KCNG4: variants seen among roughly 807,000 people sequenced by gnomAD.
The protein encoded by KCNG4 is potassium voltage-gated channel modifier subfamily G member 4.
In KCNG4, 30 loss-of-function variants were observed where a neutral mutation model predicts 28.2. The observed-to-expected ratio is 1.06, with a 90% confidence interval of 0.80 to 1.44. The LOEUF (loss-of-function observed/expected upper bound fraction) is 1.44. KCNG4 is among the 40% of genes most tolerant of loss of function. The probability of loss-of-function intolerance (pLI) is 0.00; values close to 1 mark genes in which losing one functional copy is unlikely to be tolerated. For synonymous variants in KCNG4, 375 were observed against 315.5 expected, an observed-to-expected ratio of 1.19 and a Z score of -2.00; for missense variants, 879 against 712.3, an observed-to-expected ratio of 1.23 and a Z score of -2.66.
At chr16:84,236,680 C>A (rs1202105793) in intron 2 of KCNG4, 50 bp downstream of exon 2, 1 of 1,549,530 alleles carries the variant, frequency 6.5e-7, no homozygotes, top group Non-Finnish European at 8.7e-7. Flanking sequence ...GACATCTCCG[C>A]CCAGGCACCC....
chr16:84,227,501 C>G (rs184452136), intron 2 of KCNG4, among the ~76,000 whole-genome samples: 1 of 152,176 alleles, frequency 6.6e-6, no homozygotes, highest in Non-Finnish European at 1.5e-5. Context: ...CACTTGAACT[C>G]AGGAGGTGGA....
intron 2 of KCNG4, among the ~76,000 whole-genome samples, chr16:84,224,732 T>A (rs1219797558): frequency 6.6e-6 from 1 of 152,196 alleles, no homozygotes; most frequent in Non-Finnish European, 1.5e-5. Flanking sequence ...GAGGCAGCAC[T>A]GCCAAGGGGT....
chr16:84,222,184 T>G lies in KCNG4; in HGVS notation c.*33A>C. 7 of 1,604,778 alleles carry G rather than the reference T, an allele frequency of 4.4e-6. No homozygotes were observed. Among genetic ancestry groups the G allele is most frequent in the South Asian group, 1.1e-5 (1 of 90,000 alleles). On this transcript the variant is annotated 3_prime_UTR_variant, in exon 3 of 3. Transcript: ENST00000308251. The stretch of plus-strand genomic sequence containing the variant: ...GTGTGTTTCAGGCAGGGTGATGGGT[T>G]GAGGTTACCATGTAGTCATGGGGGG...
Position 84,222,977 on chromosome 16 carries a change from G to C in KCNG4, c.800C>G (p.Thr267Ser). ...RKCYYIFIVE[T>S]ICVAWFSLEF... ...CAGGGAGAACCAGGCCACGCAGATG[G>C]TCTCCACGATGAAAATATAGTAGCA... Residue 267 changes from threonine (T) to serine (S), a missense_variant, in exon 3 of 3, where the codon ACC becomes AGC. By Grantham distance (58) the Thr-to-Ser change is moderately conservative. Transcript: ENST00000308251. The C allele has an allele frequency of 6.5e-7, 1 of 1,549,646 alleles. No individual in the cohort carries two copies. Among genetic ancestry groups the C allele is most frequent in the Non-Finnish European group, 8.7e-7 (1 of 1,147,560 alleles).
chr16:84,230,988 A>G (rs1334761652), intron 2 of KCNG4, among the ~76,000 whole-genome samples: 1 of 152,120 alleles, frequency 6.6e-6, no homozygotes, highest in African/African-American at 2.4e-5. Context: ...CTGGAAGGGG[A>G]TGGAGAGGAC....
At chr16:84,225,693 A>G (rs56085182) in intron 2 of KCNG4, among the ~76,000 whole-genome samples, 31,844 of 152,274 alleles carry the variant, frequency 0.21, 3,468 homozygotes, top group Non-Finnish European at 0.23. Context: ...TGAGAGGCCG[A>G]GAAGGCGCTG....
Position 84,219,801 on chromosome 16 carries a change from G to A in KCNG4, c.*2416C>T, listed in dbSNP as rs905368829. ...TGCCTGTAATTCCAGCACTTTGGGA[G>A]GCCGAGGCAGGCGGATCACCTGACA... is the stretch of plus-strand genomic sequence containing the variant. On this transcript the variant is annotated 3_prime_UTR_variant, in exon 3 of 3. Coordinates refer to ENST00000308251, the MANE Select transcript of KCNG4 (RefSeq NM_172347.3). 1 of 151,750 alleles carries A rather than the reference G, an allele frequency of 6.6e-6. No homozygotes were observed. Among genetic ancestry groups the A allele is most frequent in the African/African-American group, 2.4e-5 (1 of 41,270 alleles). The allele number at this position is 151,750 out of a possible 1,614,324, so 9.4% of individuals were successfully genotyped here.
intron 2 of KCNG4, among the ~76,000 whole-genome samples, chr16:84,229,927 C>T (rs1904786902): frequency 6.6e-6 from 1 of 152,192 alleles, no homozygotes; most frequent in Admixed American, 6.5e-5. Flanking sequence ...CTCCAGAGAG[C>T]AGGCCAGTTT....
rs145239539 is a variant in KCNG4 at position 84,230,877 on chromosome 16, C to T, written c.756+5853G>A. ...GAAGGCCGGCAGGGCTGGTCCTGCG[C>T]GTGGCGAGTTCGCCTGCTTCTCCCA... On this transcript the variant is annotated intron_variant, in intron 2 of 2. Transcript: ENST00000308251. 8.4e-3 allele frequency among the ~76,000 whole-genome samples: 1,284 copies of T among 152,334 alleles called. 24 individuals carry two copies. The highest frequency in any genetic ancestry group is 0.029 in the African/African-American group (1,210 of 41,574).
intron 1 of KCNG4, among the ~76,000 whole-genome samples, chr16:84,238,840 C>G (rs1052519983): frequency 6.6e-5 from 10 of 152,034 alleles, no homozygotes; most frequent in Non-Finnish European, 1.2e-4. Flanking sequence ...TGCACTCCAG[C>G]CTGGACAACA....
chr16:84,230,540 C>A lies in KCNG4; in HGVS notation c.756+6190G>T, dbSNP rs146530063. ...TGAGCCAAGATCGCACCACTGCACTCCAGCCTGGGTGACAGAGCAAGACTC... is the reference window on the plus strand; with the variant it reads ...TGAGCCAAGATCGCACCACTGCACTACAGCCTGGGTGACAGAGCAAGACTC... On this transcript the variant is annotated intron_variant, in intron 2 of 2. Coordinates refer to ENST00000308251, the MANE Select transcript of KCNG4 (RefSeq NM_172347.3). Among the ~76,000 whole-genome samples, 341 of 152,266 alleles carry A rather than the reference C, an allele frequency of 2.2e-3. 1 individual carries two copies. Among genetic ancestry groups the A allele is most frequent in the African/African-American group, 7.8e-3 (326 of 41,556 alleles).
intron 2 of KCNG4, among the ~76,000 whole-genome samples, chr16:84,225,147 G>A (rs990715512): frequency 2.6e-5 from 4 of 152,004 alleles, no homozygotes. Context: ...CAGTGTAAGG[G>A]TAGCAATACC....
Position 84,218,833 on chromosome 16 carries a change from C to T in KCNG4, c.*3384G>A, listed in dbSNP as rs1489924433. The stretch of plus-strand genomic sequence containing the variant: ...CACCTAATTTTGATTTTAAATGTTT[C>T]TTTTAGTGCTGGCACACTTTGGTGA... On this transcript the variant is annotated 3_prime_UTR_variant, in exon 3 of 3. Coordinates refer to ENST00000308251, the MANE Select transcript of KCNG4 (RefSeq NM_172347.3). 6.6e-6 allele frequency: 1 copy of T among 152,200 alleles called. No homozygotes were observed. The highest frequency in any genetic ancestry group is 2.4e-5 in the African/African-American group (1 of 41,446). The allele number at this position is 152,200 out of a possible 1,614,324, so 9.4% of individuals were successfully genotyped here.
chr16:84,225,032 T>C (rs1394145345), intron 2 of KCNG4, among the ~76,000 whole-genome samples: 3 of 152,164 alleles, frequency 2.0e-5, no homozygotes, highest in Non-Finnish European at 4.4e-5. Context: ...GAATGGAAAT[T>C]ATGCACATAA....
chr16:84,227,254 A>G (rs1418681956), intron 2 of KCNG4, among the ~76,000 whole-genome samples: 7 of 152,232 alleles, frequency 4.6e-5, no homozygotes, highest in Non-Finnish European at 8.8e-5. Flanking sequence ...TGTATAGCTC[A>G]GACAAATGAA....
In KCNG4 at chr16:84,239,923, T is replaced by A. The variant is rs980089254; in HGVS notation, c.-294A>T. 2.1e-3 allele frequency among the ~76,000 whole-genome samples: 18 copies of A among 8,378 alleles called. No individual in the cohort carries two copies. The highest frequency in any genetic ancestry group is 8.7e-3 in the African/African-American group (18 of 2,068). The allele number at this position is 8,378 out of a possible 152,430, so 5.5% of individuals were successfully genotyped here. On this transcript the variant is annotated 5_prime_UTR_variant, in exon 1 of 3. Transcript: ENST00000308251. Reference sequence around the variant, plus strand: ...GCCCTGGGGGATTGAGGTGGGATTTTTTTTTTTTTTTAAAGGACCCAGAAG... The same window carrying A: ...GCCCTGGGGGATTGAGGTGGGATTTATTTTTTTTTTTAAAGGACCCAGAAG...
rs567232153 is a variant in KCNG4, at chr16:84,224,138, C to A, written c.757-1118G>T. 7.2e-5 allele frequency among the ~76,000 whole-genome samples: 11 copies of A among 152,216 alleles called. No homozygotes were observed. The East Asian group carries it at 2.1e-3, about 29-fold the overall frequency. On this transcript the variant is annotated intron_variant, in intron 2 of 2. Transcript: ENST00000308251. ...GCATCTCAGGCCCCACCCCATCCCA[C>A]GGAATCATATTCTGCAGTTAACAAG...
Position 84,220,503 on chromosome 16 carries a change from G to A in KCNG4, c.*1714C>T, listed in dbSNP as rs1227589135. Reference sequence around the variant, plus strand: ...GAGGACTATGCCTGGCACACAGCGGGAAATCGCAAAAAACTAGCAGAATGA... The same window carrying A: ...GAGGACTATGCCTGGCACACAGCGGAAAATCGCAAAAAACTAGCAGAATGA... On this transcript the variant is annotated 3_prime_UTR_variant, in exon 3 of 3. Coordinates refer to ENST00000308251, the MANE Select transcript of KCNG4 (RefSeq NM_172347.3). 6.6e-6 allele frequency: 1 copy of A among 152,228 alleles called. No individual in the cohort carries two copies. Among genetic ancestry groups the A allele is most frequent in the Non-Finnish European group, 1.5e-5 (1 of 68,064 alleles). 9.4% of individuals were successfully genotyped at this position (152,228 alleles called of 1,614,324 possible). A position where few individuals can be genotyped will look rare whatever the true frequency, so the allele number is the denominator to read the frequency against.
chr16:84,223,468 G>A (rs1334095130), intron 2 of KCNG4, among the ~76,000 whole-genome samples: 1 of 152,278 alleles, frequency 6.6e-6, no homozygotes, highest in East Asian at 1.9e-4. Flanking sequence ...CTCACCTTGG[G>A]ACTATTGCAC....
Sources: allele counts gnomAD v4.1 joint callset (sites outside exome capture counted in the v4.1 genomes callset), GRCh38; gene constraint gnomAD v4.1.1; transcripts MANE v1.5; gene names NCBI Gene and HGNC (gene_info 2026-07-23, HGNC 2026-07-21).